Variants in MYRIP observed in about 807,000 individuals in gnomAD.
MYRIP encodes the protein myosin VIIA and Rab interacting protein, also known as rab effector MyRIP.
In MYRIP, 49 loss-of-function variants were observed where a neutral mutation model predicts 98.0. That is an observed-to-expected ratio of 0.50 (90% CI 0.40 to 0.63). The LOEUF (loss-of-function observed/expected upper bound fraction) is 0.63, where lower values mean the gene tolerates loss of function less well. Among genes scored for constraint, MYRIP ranks in the 30% least tolerant of loss-of-function variants. The pLI is 0.00. For missense variants in MYRIP, 1,004 were observed against 1,058.2 expected (o/e 0.95, Z 0.71); for synonymous variants, 404 against 409.5 (o/e 0.99, Z 0.16).
intron 9 of MYRIP, 108 bp from the exon 10 acceptor site, chr3:40,189,718 C>T: frequency 1.6e-6 from 2 of 1,244,358 alleles, no homozygotes; most frequent in Non-Finnish European, 2.2e-6. Context: ...GGCAACTGCT[C>T]TCCAACAGCC....
rs138711677 is a variant in MYRIP at position 40,064,163 on chromosome 3, T to C, written c.332+19892T>C. On this transcript the variant is annotated intron_variant, in intron 3 of 16. Transcript: ENST00000302541. ...GGTGTCAACATTCTCCACCTTATTA[T>C]ATGTAGTCCCGTCAGGTGGACAGTA... Among the ~76,000 whole-genome samples, 167 of 152,100 alleles carry C rather than the reference T, an allele frequency of 1.1e-3. 1 individual carries two copies. Among genetic ancestry groups the C allele is most frequent in the African/African-American group, 3.9e-3 (160 of 41,460 alleles).
intron 3 of MYRIP, among the ~76,000 whole-genome samples, chr3:40,058,570 C>G (rs1947932401): frequency 6.6e-6 from 1 of 152,162 alleles, no homozygotes; most frequent in East Asian, 1.9e-4. Context: ...TAAAGTTATA[C>G]CAAGAGAATT....
At chr3:40,081,596 A>G (rs1004347448) in intron 3 of MYRIP, among the ~76,000 whole-genome samples, 18 of 152,376 alleles carry the variant, frequency 1.2e-4, no homozygotes, top group Middle Eastern at 3.4e-3. Context: ...CAACCTAACA[A>G]TGTGATGTTA....
intron 1 of MYRIP, among the ~76,000 whole-genome samples, chr3:39,855,279 G>A (rs578024201): frequency 2.0e-5 from 3 of 152,280 alleles, no homozygotes; most frequent in South Asian, 2.1e-4. Context: ...CCAGCCAGGA[G>A]GTGGTGTTTT....
chr3:40,142,273 G>A lies in MYRIP; in HGVS notation c.333-8775G>A, dbSNP rs545529107. Among the ~76,000 whole-genome samples, 214 of 151,862 alleles carry A rather than the reference G, an allele frequency of 1.4e-3. 1 individual carries two copies. Among genetic ancestry groups the A allele is most frequent in the African/African-American group, 4.8e-3 (200 of 41,400 alleles). On this transcript the variant is annotated intron_variant, in intron 3 of 16. Transcript: ENST00000302541. ...TTACCATGTTGGTCAGGCTGGTCTC[G>A]AACTCCCGACCTCAAGTGATCCGCC...
rs72866602 is a variant in MYRIP at position 39,842,689 on chromosome 3, C to T, written c.-31+32773C>T. Among the ~76,000 whole-genome samples the T allele has an allele frequency of 1.6e-3, 238 of 152,270 alleles. 1 individual carries two copies. Among genetic ancestry groups the T allele is most frequent in the African/African-American group, 5.5e-3 (227 of 41,554 alleles). On this transcript the variant is annotated intron_variant, in intron 1 of 16. Transcript: ENST00000302541. ...CATGGTACCTCATGGCACAGTCCCT[C>T]AGGGCTTCCATTGGCTAGGAGAGGG... is the stretch of plus-strand genomic sequence containing the variant.
chr3:40,210,168 G>T, intron 11 of MYRIP, 75 bp downstream of exon 11: 1 of 1,513,678 alleles, frequency 6.6e-7, no homozygotes. Context: ...CTATATTGGT[G>T]CAGAAAGCTG....
chr3:40,126,686 T>C (rs1949532177), intron 3 of MYRIP, among the ~76,000 whole-genome samples: 1 of 152,234 alleles, frequency 6.6e-6, no homozygotes, highest in South Asian at 2.1e-4. Context: ...TATTCTTTTG[T>C]TCTTGGGATT....
chr3:39,928,346 A>G (rs1249215407), intron 2 of MYRIP, among the ~76,000 whole-genome samples: 1 of 151,830 alleles, frequency 6.6e-6, no homozygotes, highest in Non-Finnish European at 1.5e-5. Flanking sequence ...CCCTGATGCC[A>G]AAGAAACAAA....
intron 1 of MYRIP, among the ~76,000 whole-genome samples, chr3:39,853,116 A>G (rs1361848944): frequency 1.3e-5 from 2 of 152,144 alleles, no homozygotes; most frequent in Admixed American, 1.3e-4. Flanking sequence ...GAAGTATTTC[A>G]TAGCATATGT....
At chr3:39,947,605 G>T (rs1944931964) in intron 2 of MYRIP, among the ~76,000 whole-genome samples, 1 of 152,028 alleles carries the variant, frequency 6.6e-6, no homozygotes, top group Admixed American at 6.6e-5. Context: ...CTGGGAGCTT[G>T]TTAGAAATAC....
intron 1 of MYRIP, among the ~76,000 whole-genome samples, chr3:39,851,753 A>G (rs1343607131): frequency 6.6e-6 from 1 of 152,172 alleles, no homozygotes; most frequent in Non-Finnish European, 1.5e-5. Context: ...TGTTTTGCCT[A>G]AGACAGCATG....
chr3:39,986,572 G>A (rs577502650), intron 2 of MYRIP, among the ~76,000 whole-genome samples: 3 of 152,170 alleles, frequency 2.0e-5, no homozygotes, highest in South Asian at 2.1e-4. Context: ...TCCTTGGAAG[G>A]ATATTCCACA....
At chr3:39,939,273 C>G (rs1053391762) in intron 2 of MYRIP, among the ~76,000 whole-genome samples, 6 of 152,110 alleles carry the variant, frequency 3.9e-5, no homozygotes, top group Non-Finnish European at 7.4e-5. Context: ...TGAAACAGCT[C>G]AAGAAAGAGC....
At chr3:40,008,500 T>A (rs1005081770) in intron 2 of MYRIP, among the ~76,000 whole-genome samples, 2 of 152,218 alleles carry the variant, frequency 1.3e-5, no homozygotes, top group Admixed American at 6.5e-5. Context: ...CTGCTTTGTC[T>A]CAGTTTCCTC....
chr3:40,035,383 C>A (rs893471671), intron 2 of MYRIP, among the ~76,000 whole-genome samples: 1 of 152,020 alleles, frequency 6.6e-6, no homozygotes, highest in Non-Finnish European at 1.5e-5. Context: ...GAATTGAGGA[C>A]TTCTTGGTGA....
intron 1 of MYRIP, among the ~76,000 whole-genome samples, chr3:39,873,179 G>A (rs1388119693): frequency 6.6e-6 from 1 of 152,076 alleles, no homozygotes; most frequent in Non-Finnish European, 1.5e-5. Context: ...ACTTTTTGAT[G>A]GGGTTGTTTG....
chr3:39,831,148 G>C (rs559731959), intron 1 of MYRIP, among the ~76,000 whole-genome samples: 1 of 152,024 alleles, frequency 6.6e-6, no homozygotes, highest in South Asian at 2.1e-4. Context: ...CTCATATTCT[G>C]CTTGACCTCT....
chr3:39,993,546 A>G (rs1351276159), intron 2 of MYRIP, among the ~76,000 whole-genome samples: 2 of 152,190 alleles, frequency 1.3e-5, no homozygotes, highest in Non-Finnish European at 2.9e-5. Flanking sequence ...ATTTTTGACT[A>G]CAAGAGTCAG....
Sources: gnomAD v4.1 joint callset for allele counts (sites outside exome capture counted in the v4.1 genomes callset) on GRCh38, gnomAD v4.1.1 for gene constraint, MANE v1.5 for transcripts, NCBI Gene and HGNC (gene_info 2026-07-23, HGNC 2026-07-21) for gene names.